CNTN4: variants seen among roughly 807,000 people sequenced by gnomAD.
CNTN4 encodes the protein contactin-4.
Under a neutral mutation model 122.5 loss-of-function variants are expected in CNTN4, and 77 were observed. The observed-to-expected ratio is 0.63, with a 90% CI of 0.52 to 0.76. The LOEUF is 0.76. CNTN4 is among the 30% of genes least tolerant of loss of function. The probability of loss-of-function intolerance (pLI) is 0.00; values close to 1 mark genes in which losing one functional copy is unlikely to be tolerated. For missense variants in CNTN4, 1,256 were observed against 1,259.1 expected (o/e 1.00, Z 0.04); for synonymous variants, 512 against 447.0 (o/e 1.15, Z -1.83).
At chr3:2,153,755 A>G (rs1176905229) in intron 2 of CNTN4, among the ~76,000 whole-genome samples, 3 of 152,098 alleles carry the variant, frequency 2.0e-5, no homozygotes, top group Non-Finnish European at 4.4e-5. Flanking sequence ...GGTGAAAGGG[A>G]GCAGAACAGT....
chr3:2,827,907 G>A (rs1388821463), intron 7 of CNTN4, among the ~76,000 whole-genome samples: 1 of 151,804 alleles, frequency 6.6e-6, no homozygotes, highest in Non-Finnish European at 1.5e-5. Context: ...TTTTTATATG[G>A]CAGCTTAAAA....
At chr3:2,249,158 AAAC>A (rs2040274054) in intron 2 of CNTN4, among the ~76,000 whole-genome samples, 1 of 151,946 alleles carries the variant, frequency 6.6e-6, no homozygotes, top group African/African-American at 2.4e-5. Flanking sequence ...AATTATAAAA[AAAC>A]ATTGTAGATG....
intron 2 of CNTN4, among the ~76,000 whole-genome samples, chr3:2,290,353 G>A (rs989759234): frequency 2.0e-5 from 3 of 152,126 alleles, no homozygotes; most frequent in South Asian, 2.1e-4. Context: ...GTTATGACTT[G>A]AATAACACTG....
At chr3:2,593,316 C>T (rs75173244) in intron 4 of CNTN4, among the ~76,000 whole-genome samples, 2,819 of 152,244 alleles carry the variant, frequency 0.019, 178 homozygotes, top group East Asian at 0.18. Context: ...CAATAAATAA[C>T]ATTTGTTCAT....
At chr3:2,690,629 T>C (rs2085683538) in intron 4 of CNTN4, among the ~76,000 whole-genome samples, 1 of 152,136 alleles carries the variant, frequency 6.6e-6, no homozygotes, top group African/African-American at 2.4e-5. Context: ...AAAGCTTGTC[T>C]GCCTTACCTC....
chr3:2,786,210 C>G (rs62232887), intron 6 of CNTN4, among the ~76,000 whole-genome samples: 7,299 of 152,214 alleles, frequency 0.048, 243 homozygotes, highest in Non-Finnish European at 0.071. Context: ...CTCATTCCTC[C>G]TGGATGCTGG....
rs961841206 is a variant in CNTN4 at position 2,661,182 on chromosome 3, C to A, written c.56-75033C>A. ...CCAGACTAAGATGACAAAGGAAATACACTAAGCATGATTTAGCTTTTTCTT... is the reference window on the plus strand; with the variant it reads ...CCAGACTAAGATGACAAAGGAAATAAACTAAGCATGATTTAGCTTTTTCTT... On this transcript the variant is annotated intron_variant, in intron 4 of 24. Coordinates refer to ENST00000418658, the MANE Select transcript of CNTN4 (RefSeq NM_175607.3). 1.2e-4 allele frequency among the ~76,000 whole-genome samples: 18 copies of A among 152,158 alleles called. 1 individual carries two copies. Among genetic ancestry groups the A allele is most frequent in the African/African-American group, 3.9e-4 (16 of 41,426 alleles).
intron 3 of CNTN4, among the ~76,000 whole-genome samples, chr3:2,507,775 C>CTT (rs768677789): frequency 5.5e-4 from 77 of 141,202 alleles, no homozygotes; most frequent in Middle Eastern, 3.4e-3. Flanking sequence ...AGAAAATTGG[C>CTT]TTTTTTTTTT....
intron 3 of CNTN4, among the ~76,000 whole-genome samples, chr3:2,400,428 C>CACACATAT (rs1553640929): frequency 1.0e-5 from 1 of 95,824 alleles, no homozygotes. Context: ...TATATATATA[C>CACACATAT]ATATATATAT....
At chr3:2,364,283 A>T (rs923965565) in intron 3 of CNTN4, among the ~76,000 whole-genome samples, 4 of 152,166 alleles carry the variant, frequency 2.6e-5, no homozygotes, top group Non-Finnish European at 5.9e-5. Flanking sequence ...TTGTCTCGAT[A>T]TTTATAAGGT....
chr3:3,007,457 A>C (rs28491675), intron 14 of CNTN4, among the ~76,000 whole-genome samples: 9 of 152,246 alleles, frequency 5.9e-5, no homozygotes, highest in Non-Finnish European at 1.3e-4. Flanking sequence ...CATTTTAATC[A>C]ATAGCCTACA....
At chr3:2,557,701 C>T (rs904105880) in intron 3 of CNTN4, among the ~76,000 whole-genome samples, 1 of 150,592 alleles carries the variant, frequency 6.6e-6, no homozygotes, top group African/African-American at 2.5e-5. Context: ...TGCACTCCAG[C>T]CTGGGCAACA....
At chr3:2,186,254 A>G (rs1042661475) in intron 2 of CNTN4, among the ~76,000 whole-genome samples, 2 of 151,650 alleles carry the variant, frequency 1.3e-5, no homozygotes, top group Non-Finnish European at 2.9e-5. Flanking sequence ...TACAAAGGAC[A>G]TGAACTCATC....
chr3:2,917,862 A>G (rs772924761), intron 12 of CNTN4, among the ~76,000 whole-genome samples: 11 of 152,192 alleles, frequency 7.2e-5, no homozygotes, highest in Non-Finnish European at 1.0e-4. Context: ...ACATTATCCA[A>G]GAGTGCAACA....
chr3:2,120,260 T>C (rs1160546725), intron 2 of CNTN4, among the ~76,000 whole-genome samples: 4 of 150,238 alleles, frequency 2.7e-5, no homozygotes, highest in Non-Finnish European at 5.9e-5. Context: ...TTTGAGAGTA[T>C]GATAAAGGAG....
intron 3 of CNTN4, among the ~76,000 whole-genome samples, chr3:2,393,274 A>G (rs1348100120): frequency 1.3e-5 from 2 of 152,126 alleles, no homozygotes; most frequent in African/African-American, 4.8e-5. Flanking sequence ...CCATATCTTA[A>G]TTTAACTAGT....
At chr3:2,169,626 T>A (rs1260209708) in intron 2 of CNTN4, among the ~76,000 whole-genome samples, 1 of 151,846 alleles carries the variant, frequency 6.6e-6, no homozygotes, top group Non-Finnish European at 1.5e-5. Flanking sequence ...CTCGATCTCC[T>A]GACCTCGTGA....
At chr3:2,544,996 A>T (rs1654202597) in intron 3 of CNTN4, among the ~76,000 whole-genome samples, 1 of 151,714 alleles carries the variant, frequency 6.6e-6, no homozygotes, top group African/African-American at 2.4e-5. Context: ...TGAATTTTTG[A>T]TGTGGGTGTT....
At chr3:3,053,666 C>A in intron 23 of CNTN4, 141 bp from the exon 24 acceptor site, 1 of 775,950 alleles carries the variant, frequency 1.3e-6, no homozygotes, top group Non-Finnish European at 2.3e-6. Flanking sequence ...TGCAAATGAG[C>A]CTTCCAAATG....
Sources: allele counts gnomAD v4.1 joint callset (sites outside exome capture counted in the v4.1 genomes callset), GRCh38; gene constraint gnomAD v4.1.1; transcripts MANE v1.5; gene names NCBI Gene and HGNC (gene_info 2026-07-23, HGNC 2026-07-21).